NELL1: variants seen among roughly 807,000 people sequenced by gnomAD.
NELL1 encodes neural EGFL like 1.
In NELL1, 76 loss-of-function variants were observed where a neutral mutation model predicts 107.4. That is an observed-to-expected ratio of 0.71 (90% CI 0.59 to 0.86). The LOEUF is 0.86. Among genes scored for constraint, NELL1 ranks in the 40% least tolerant of loss-of-function variants. NELL1 has a pLI of 0.00. For synonymous variants in NELL1, 353 were observed against 341.2 expected, an observed-to-expected ratio of 1.03 and a Z score of -0.38; for missense variants, 1,024 against 1,005.5, an observed-to-expected ratio of 1.02 and a Z score of -0.25.
At chr11:21,232,395 A>G (rs947162997) in intron 14 of NELL1, among the ~76,000 whole-genome samples, 2 of 151,774 alleles carry the variant, frequency 1.3e-5, no homozygotes, top group African/African-American at 4.8e-5. Flanking sequence ...ATTGCATAGA[A>G]TCACTAACGG....
At chr11:20,755,567 T>TTTATTTATTTATTTA (rs1365364032) in intron 2 of NELL1, among the ~76,000 whole-genome samples, 59 of 120,008 alleles carry the variant, frequency 4.9e-4, no homozygotes, top group Non-Finnish European at 9.8e-4. Flanking sequence ...TTTTTGTTTT[T>TTTATTTATTTATTTA]TTTTTTTTGA....
intron 13 of NELL1, among the ~76,000 whole-genome samples, chr11:21,122,319 T>C (rs1443405311): frequency 1.3e-5 from 2 of 152,212 alleles, no homozygotes; most frequent in Non-Finnish European, 2.9e-5. Flanking sequence ...TAAGGATGCT[T>C]TAGCGCTTAC....
At chr11:20,677,329 T>G (rs1854083381) in intron 1 of NELL1, among the ~76,000 whole-genome samples, 1 of 152,060 alleles carries the variant, frequency 6.6e-6, no homozygotes, top group Non-Finnish European at 1.5e-5. Flanking sequence ...TGGGTCAGAT[T>G]TTGCTACTGC....
chr11:21,101,416 T>G (rs11025917), intron 12 of NELL1, among the ~76,000 whole-genome samples: 33,495 of 152,116 alleles, frequency 0.22, 3,887 homozygotes, highest in South Asian at 0.37. Flanking sequence ...AATGCCACAC[T>G]GACTTCCACA....
chr11:20,927,666 C>T (rs191966094), intron 8 of NELL1, among the ~76,000 whole-genome samples: 3 of 152,240 alleles, frequency 2.0e-5, no homozygotes, highest in East Asian at 1.9e-4. Context: ...TGCCAACACA[C>T]CCTAATTTGA....
intron 15 of NELL1, among the ~76,000 whole-genome samples, chr11:21,404,005 A>C (rs1229791668): frequency 0.051 from 2,582 of 50,540 alleles, 1 homozygote; most frequent in Middle Eastern, 0.1. Context: ...TCATTCCTGA[A>C]CCCCCCCCCC....
chr11:21,350,732 A>G (rs1268158241), intron 14 of NELL1, among the ~76,000 whole-genome samples: 2 of 152,182 alleles, frequency 1.3e-5, no homozygotes, highest in Non-Finnish European at 2.9e-5. Context: ...CACCATCTGT[A>G]TGTTTCAGAA....
chr11:21,443,315 A>G (rs898765270), intron 15 of NELL1, among the ~76,000 whole-genome samples: 1 of 152,098 alleles, frequency 6.6e-6, no homozygotes, highest in Non-Finnish European at 1.5e-5. Context: ...TGAAGATCCC[A>G]CCTCTGTTGC....
chr11:21,228,661 G>A (rs1857955490), intron 13 of NELL1, among the ~76,000 whole-genome samples: 1 of 124,618 alleles, frequency 8.0e-6, no homozygotes. Flanking sequence ...TCTCATATAG[G>A]TTTGTTTCTT....
chr11:20,743,220 G>A (rs1265482246), intron 2 of NELL1, among the ~76,000 whole-genome samples: 1 of 151,980 alleles, frequency 6.6e-6, no homozygotes, highest in Admixed American at 6.6e-5. Flanking sequence ...CAGGTGTGAT[G>A]GCGCACACCT....
intron 2 of NELL1, 83 bp downstream of exon 2, chr11:20,678,143 T>C: frequency 6.7e-7 from 1 of 1,498,998 alleles, no homozygotes; most frequent in Non-Finnish European, 9.2e-7. Context: ...TGTGTGTTTG[T>C]CTGGAGATCG....
At chr11:21,332,387 G>T (rs12287878) in intron 14 of NELL1, among the ~76,000 whole-genome samples, 30,378 of 151,718 alleles carry the variant, frequency 0.2, 3,533 homozygotes, top group South Asian at 0.26. Flanking sequence ...ACTGTGCCCT[G>T]TTTAGAGTTG....
At chr11:21,232,279 G>A (rs1158283184) in intron 14 of NELL1, among the ~76,000 whole-genome samples, 1 of 147,314 alleles carries the variant, frequency 6.8e-6, no homozygotes, top group Non-Finnish European at 1.5e-5. Flanking sequence ...GCAGTGAGCC[G>A]AGATCATGCT....
intron 14 of NELL1, among the ~76,000 whole-genome samples, chr11:21,357,932 T>C (rs1850975430): frequency 6.6e-6 from 1 of 152,236 alleles, no homozygotes; most frequent in South Asian, 2.1e-4. Flanking sequence ...TTTTGTTTGC[T>C]TTGTAGAAGA....
intron 2 of NELL1, among the ~76,000 whole-genome samples, chr11:20,738,079 T>C (rs1453850543): frequency 7.1e-6 from 1 of 141,044 alleles, no homozygotes; most frequent in African/African-American, 2.7e-5. Flanking sequence ...CTATCATCTA[T>C]GACACAGTGT....
chr11:21,052,486 T>C (rs1853516813), intron 12 of NELL1, among the ~76,000 whole-genome samples: 1 of 152,082 alleles, frequency 6.6e-6, no homozygotes, highest in Admixed American at 6.6e-5. Flanking sequence ...TTCATATATG[T>C]TGGGAGTATA....
chr11:21,179,479 C>T (rs898802984), intron 13 of NELL1, among the ~76,000 whole-genome samples: 11 of 151,796 alleles, frequency 7.2e-5, no homozygotes, highest in African/African-American at 2.7e-4. Context: ...CTAGTGTATT[C>T]TCATCCAACT....
chr11:21,023,975 C>G (rs1335683979), intron 12 of NELL1, among the ~76,000 whole-genome samples: 1 of 152,022 alleles, frequency 6.6e-6, no homozygotes, highest in East Asian at 1.9e-4. Context: ...AAAACAGATG[C>G]AAATGTTTCT....
chr11:21,342,314 A>G (rs1054095330), intron 14 of NELL1, among the ~76,000 whole-genome samples: 1 of 151,552 alleles, frequency 6.6e-6, no homozygotes, highest in Non-Finnish European at 1.5e-5. Context: ...CATGGGTGCA[A>G]TAGCATTTAC....
Sources: allele counts gnomAD v4.1 joint callset (sites outside exome capture counted in the v4.1 genomes callset), GRCh38; gene constraint gnomAD v4.1.1; transcripts MANE v1.5; gene names NCBI Gene and HGNC (gene_info 2026-07-23, HGNC 2026-07-21).